ADCY7: variants seen among roughly 807,000 people sequenced by gnomAD.
The protein encoded by ADCY7 is adenylate cyclase type 7.
ADCY7 carries 72 observed loss-of-function variants against 120.6 expected under a neutral mutation model. That is an observed-to-expected ratio of 0.60 (90% CI 0.49 to 0.73). The LOEUF (loss-of-function observed/expected upper bound fraction) is 0.73. Among genes scored for constraint, ADCY7 ranks in the 30% least tolerant of loss-of-function variants. ADCY7 has a pLI of 0.00. For missense variants in ADCY7, 1,227 were observed against 1,486.0 expected, an observed-to-expected ratio of 0.83 and a Z score of 2.87; for synonymous variants, 661 against 628.0, an observed-to-expected ratio of 1.05 and a Z score of -0.78.
At chr16:50,281,376 T>TGGCAGGTAA (rs1263764525) in intron 1 of ADCY7, among the ~76,000 whole-genome samples, 43 of 127,040 alleles carry the variant, frequency 3.4e-4, no homozygotes, top group African/African-American at 7.4e-4. Context: ...AGGTGTGCTG[T>TGGCAGGTAA]GGCAGGTAAG....
chr16:50,278,330 C>G (rs994582220), intron 1 of ADCY7, among the ~76,000 whole-genome samples: 1 of 152,186 alleles, frequency 6.6e-6, no homozygotes, highest in African/African-American at 2.4e-5. Context: ...CGTGAGCCAC[C>G]ATGCCTGGCC....
At chr16:50,309,379 G>A (rs543631645) in intron 17 of ADCY7, among the ~76,000 whole-genome samples, 169 bp from the exon 18 acceptor site, 3 of 152,220 alleles carry the variant, frequency 2.0e-5, no homozygotes, top group African/African-American at 4.8e-5. Context: ...TGAACCTGAC[G>A]GCTGCTGTGG....
rs2151088574 is a variant in ADCY7, at chr16:50,311,771, T to C, written c.2433T>C (p.Leu811=). 6.5e-7 allele frequency: 1 copy of C among 1,546,044 alleles called. No individual in the cohort carries two copies. The highest frequency in any genetic ancestry group is 8.8e-7 in the Non-Finnish European group (1 of 1,137,638). ...FYLVLFYITL[L]TLSRQIDYYC... ...TGGTCCTGTTCTACATCACCCTGCT[T>C]ACACTCTCCAGACAGGTAAGGAGGC... Residue 811 remains leucine, a synonymous_variant, in exon 20 of 26, where the codon CTT becomes CTC. Transcript: ENST00000673801.
intron 1 of ADCY7, among the ~76,000 whole-genome samples, chr16:50,275,380 G>A (rs2033821307): frequency 6.6e-6 from 1 of 152,214 alleles, no homozygotes; most frequent in African/African-American, 2.4e-5. Flanking sequence ...GAGGCTAGTG[G>A]GCTCTACAGG....
intron 8 of ADCY7, 124 bp downstream of exon 8, chr16:50,299,155 A>C: frequency 7.6e-7 from 1 of 1,320,900 alleles, no homozygotes; most frequent in Non-Finnish European, 1.0e-6. Flanking sequence ...TTGGGGGTGA[A>C]AGCAGCTTGC....
At chr16:50,307,995 C>CAAA (rs34191947) in intron 15 of ADCY7, among the ~76,000 whole-genome samples, 61 of 64,812 alleles carry the variant, frequency 9.4e-4, no homozygotes, top group Non-Finnish European at 1.1e-3. Flanking sequence ...GACTCCATCT[C>CAAA]AAAAAAAAAA....
In ADCY7 at chr16:50,247,821, A is replaced by G. The variant is rs1354510747; in HGVS notation, c.-64+1618A>G. On this transcript the variant is annotated intron_variant, in intron 1 of 4. Coordinates refer to the ADCY7 transcript ENST00000564044. ...TCTCCTCTGCTCGTTCGGGATCCCC[A>G]GGTGCTGGGTCCTCTTCCCTCAGCA... Among the ~76,000 whole-genome samples, 28 of 152,242 alleles carry G rather than the reference A, an allele frequency of 1.8e-4. No homozygotes were observed. In the East Asian group the frequency reaches 4.3e-3, roughly 23 times the overall value.
chr16:50,284,007 G>C (rs1173350241), intron 1 of ADCY7, among the ~76,000 whole-genome samples: 1 of 152,208 alleles, frequency 6.6e-6, no homozygotes, highest in Non-Finnish European at 1.5e-5. Flanking sequence ...TTTATCCAGG[G>C]CCTTGTGGGG....
intron 1 of ADCY7, among the ~76,000 whole-genome samples, chr16:50,284,608 G>A (rs2034469649): frequency 6.6e-6 from 1 of 152,256 alleles, no homozygotes; most frequent in Non-Finnish European, 1.5e-5. Flanking sequence ...CAGCCTGGCT[G>A]TCCTGGTGCA....
chr16:50,250,254 G>A (rs1162193621), intron 1 of ADCY7, among the ~76,000 whole-genome samples: 4 of 152,106 alleles, frequency 2.6e-5, no homozygotes, highest in African/African-American at 7.2e-5. Context: ...TCAGGAGTTC[G>A]TGACCAGCCT....
At chr16:50,278,214 A>AT (rs1244035396) in intron 1 of ADCY7, among the ~76,000 whole-genome samples, 1 of 151,386 alleles carries the variant, frequency 6.6e-6, no homozygotes, top group East Asian at 1.9e-4. Context: ...TAGTTTTTGT[A>AT]TTTTTTAATA....
Position 50,293,305 on chromosome 16 carries a change from C to T in ADCY7, c.688-49C>T, listed in dbSNP as rs115350639. ...CCTGCCTGTCCCCCGCTGGTCCCTC[C>T]GCCGGTCGCTTTGCTGGTCCCTCTG... On this transcript the variant is annotated intron_variant, in intron 5 of 25. Transcript: ENST00000673801. 2.3e-3 allele frequency: 3,634 copies of T among 1,593,806 alleles called. 55 individuals carry two copies. In the African/African-American group the frequency reaches 0.038, roughly 17 times the overall value.
At chr16:50,254,563 A>G (rs117268285) in intron 1 of ADCY7, among the ~76,000 whole-genome samples, 668 of 152,362 alleles carry the variant, frequency 4.4e-3, no homozygotes, top group South Asian at 6.6e-3. Flanking sequence ...AATAAATTCA[A>G]CGGAGAAGGT....
In ADCY7 at chr16:50,318,078, A is replaced by AAAG. The variant is rs1157829788; in HGVS notation, c.*2574_*2576dup. On this transcript the variant is annotated 3_prime_UTR_variant, in exon 26 of 26. Transcript: ENST00000673801. ...TTTCAAAATGCTGTTTCATTTTTAT[A>AAAG]AAGTACCAGTGTTTAGCTGCTTTTT... is the stretch of plus-strand genomic sequence containing the variant. 6.6e-6 allele frequency: 1 copy of AAAG among 152,322 alleles called. No homozygotes were observed. The highest frequency in any genetic ancestry group is 1.5e-5 in the Non-Finnish European group (1 of 68,034). The allele number at this position is 152,322 out of a possible 1,614,324, so 9.4% of individuals were successfully genotyped here.
intron 1 of ADCY7, among the ~76,000 whole-genome samples, chr16:50,254,901 C>A (rs2032866375): frequency 6.9e-6 from 1 of 145,850 alleles, no homozygotes; most frequent in Non-Finnish European, 1.5e-5. Context: ...TGATCTTGAG[C>A]AAGAAGATCA....
intron 1 of ADCY7, among the ~76,000 whole-genome samples, chr16:50,256,712 GTGTTGGAGATAA>G (rs1328450058): frequency 1.6e-4 from 24 of 152,094 alleles, no homozygotes; most frequent in Non-Finnish European, 2.9e-4. Flanking sequence ...AAAGAGACAG[GTGTTGGAGATAA>G]TGTGGAGAAA....
chr16:50,270,085 G>A (rs1285526477), intron 1 of ADCY7, among the ~76,000 whole-genome samples: 1 of 152,100 alleles, frequency 6.6e-6, no homozygotes, highest in Non-Finnish European at 1.5e-5. Context: ...AGCTACGCAG[G>A]AGGATTGCTT....
intron 1 of ADCY7, among the ~76,000 whole-genome samples, chr16:50,283,431 T>G (rs1450284730): frequency 6.6e-6 from 1 of 152,188 alleles, no homozygotes; most frequent in Non-Finnish European, 1.5e-5. Context: ...AGAGAACGCC[T>G]CTTTCCCTGG....
rs1191003721 is a variant in ADCY7, at chr16:50,300,990, G to C, written c.1236-92G>C. 3.2e-6 allele frequency: 5 copies of C among 1,546,456 alleles called. No individual in the cohort carries two copies. The African/African-American group carries it at 6.8e-5, about 21-fold the overall frequency. On this transcript the variant is annotated intron_variant, in intron 9 of 25. Coordinates refer to ENST00000673801, the MANE Select transcript of ADCY7 (RefSeq NM_001114.5). ...GGGAGAGATGAATGTAGAAAAGCTG[G>C]CCTGGGGCCCAGGCCTGCCTGCTGT...
Sources: gnomAD v4.1 joint callset for allele counts (sites outside exome capture counted in the v4.1 genomes callset) on GRCh38, gnomAD v4.1.1 for gene constraint, MANE v1.5 for transcripts, NCBI Gene and HGNC (gene_info 2026-07-23, HGNC 2026-07-21) for gene names.